Variants in SHQ1 observed in about 807,000 individuals in gnomAD.
SHQ1 encodes SHQ1, H/ACA ribonucleoprotein assembly factor.
SHQ1 carries 49 observed loss-of-function variants against 53.8 expected under a neutral mutation model. The observed-to-expected ratio is 0.91, with a 90% confidence interval of 0.72 to 1.16. The LOEUF is 1.16. Ranked by LOEUF, SHQ1 falls within the 50% of genes most tolerant of loss-of-function variation. The pLI, the probability that SHQ1 is intolerant of heterozygous loss-of-function variation, is 0.00. For synonymous variants in SHQ1, 243 were observed against 251.0 expected (o/e 0.97, Z 0.30); for missense variants, 738 against 683.1 (o/e 1.08, Z -0.90).
intron 10 of SHQ1, among the ~76,000 whole-genome samples, chr3:72,762,083 G>A (rs1705622456): frequency 6.6e-6 from 1 of 152,030 alleles, no homozygotes; most frequent in Non-Finnish European, 1.5e-5. Flanking sequence ...CCACAAACAT[G>A]TACATACATA....
At chr3:72,846,238 T>C (rs762927226) in intron 1 of SHQ1, 43 of 1,535,608 alleles carry the variant, frequency 2.8e-5, no homozygotes, top group Non-Finnish European at 3.4e-5. Flanking sequence ...AGCTACAGTC[T>C]CCATTCTTCA....
At chr3:72,833,405 C>T (rs541357484) in intron 4 of SHQ1, among the ~76,000 whole-genome samples, 1 of 152,116 alleles carries the variant, frequency 6.6e-6, no homozygotes, top group Admixed American at 6.6e-5. Flanking sequence ...CATGCCACTG[C>T]ACTCTGGCCT....
intron 6 of SHQ1, 83 bp from the exon 7 acceptor site, chr3:72,817,467 T>C: frequency 2.3e-6 from 3 of 1,296,860 alleles, no homozygotes; most frequent in African/African-American, 1.5e-5. Flanking sequence ...AATTAGAACT[T>C]TGATTATAGA....
chr3:72,838,434 T>C (rs543704431), intron 4 of SHQ1, among the ~76,000 whole-genome samples: 6 of 152,372 alleles, frequency 3.9e-5, no homozygotes, highest in African/African-American at 7.2e-5. Context: ...AAGAGTTTAA[T>C]GATTTTAGAT....
intron 9 of SHQ1, among the ~76,000 whole-genome samples, chr3:72,801,138 C>T (rs927150106): frequency 8.9e-6 from 1 of 112,730 alleles, no homozygotes; most frequent in South Asian, 2.2e-4. Flanking sequence ...CAAGGTAGAA[C>T]ATTAAAAAAA....
intron 10 of SHQ1, among the ~76,000 whole-genome samples, chr3:72,787,417 T>C (rs1351538085): frequency 6.6e-6 from 1 of 152,194 alleles, no homozygotes; most frequent in Non-Finnish European, 1.5e-5. Flanking sequence ...TTAAAAACAA[T>C]AAAATTTTTC....
chr3:72,747,882 G>A (rs1022156795), downstream of SHQ1, among the ~76,000 whole-genome samples: 28 of 152,002 alleles, frequency 1.8e-4, no homozygotes, highest in African/African-American at 6.0e-4. Context: ...CCAGGTGTTC[G>A]GGAGGCTGAG....
chr3:72,847,580 C>G (rs1051570970), intron 1 of SHQ1, among the ~76,000 whole-genome samples: 17 of 151,096 alleles, frequency 1.1e-4, no homozygotes, highest in African/African-American at 4.0e-4. Flanking sequence ...TTAAACAGAT[C>G]AAGTGCTGAC....
intron 10 of SHQ1, among the ~76,000 whole-genome samples, chr3:72,788,119 C>T (rs1706300110): frequency 6.6e-6 from 1 of 152,214 alleles, no homozygotes; most frequent in African/African-American, 2.4e-5. Flanking sequence ...AGTTTGCAGC[C>T]TCTGCCCGGC....
intron 1 of SHQ1, among the ~76,000 whole-genome samples, chr3:72,847,937 C>CAGGG (rs1158007607): frequency 6.6e-6 from 1 of 152,136 alleles, no homozygotes; most frequent in Non-Finnish European, 1.5e-5. Context: ...GGGAAAGTGA[C>CAGGG]ACGGTCCAAA....
intron 10 of SHQ1, among the ~76,000 whole-genome samples, chr3:72,757,579 G>A (rs1172095770): frequency 1.3e-5 from 2 of 151,988 alleles, no homozygotes; most frequent in Non-Finnish European, 2.9e-5. Flanking sequence ...GGCATTTACT[G>A]CACATCAATG....
downstream of SHQ1, among the ~76,000 whole-genome samples, chr3:72,746,335 TAGG>T (rs1264196885): frequency 1.3e-5 from 2 of 152,200 alleles, no homozygotes; most frequent in Non-Finnish European, 2.9e-5. Flanking sequence ...TCCCATCATC[TAGG>T]AGTTTTGGGA....
the SHQ1 span, among the ~76,000 whole-genome samples, chr3:72,740,733 A>C: frequency 1.3e-5 from 2 of 152,094 alleles, no homozygotes; most frequent in African/African-American, 2.4e-5. Context: ...CAGTGTGTGA[A>C]TGTTCATTTC....
Position 72,750,863 on chromosome 3 carries a change from T to C in SHQ1, c.1182-27A>G, listed in dbSNP as rs180806752. The C allele has an allele frequency of 1.5e-4, 228 of 1,474,794 alleles. 4 individuals carry two copies. In the East Asian group the frequency reaches 3.5e-3, roughly 22 times the overall value. The allele number at this position is 1,474,794 out of a possible 1,614,324, so 91.4% of individuals were successfully genotyped here. On this transcript the variant is annotated intron_variant, in intron 10 of 10. Transcript: ENST00000325599. ...TTGAAAACATTTTAAAAAGAAAGAT[T>C]AGAATTATTTATTAATTGGCCTGGG...
In SHQ1 at chr3:72,804,012, G is replaced by A. The variant is rs554370891; in HGVS notation, c.1060+8659C>T. Among the ~76,000 whole-genome samples, 199 of 152,182 alleles carry A rather than the reference G, an allele frequency of 1.3e-3. 1 individual carries two copies. The highest frequency in any genetic ancestry group is 4.6e-3 in the African/African-American group (189 of 41,510). On this transcript the variant is annotated intron_variant, in intron 9 of 10. Transcript: ENST00000325599. ...GCTCACTGTAACCTCGAACTCCTGG[G>A]CTCAAGCAATCCTCCTGCCTCGGGA... is the stretch of plus-strand genomic sequence containing the variant.
chr3:72,840,196 G>A (rs1375363170), intron 4 of SHQ1, among the ~76,000 whole-genome samples: 3 of 141,622 alleles, frequency 2.1e-5, no homozygotes, highest in Non-Finnish European at 1.5e-5. Context: ...AGGTTGCAGT[G>A]AGCCAAGATC....
chr3:72,786,338 T>C (rs962095743), intron 10 of SHQ1, among the ~76,000 whole-genome samples: 1 of 152,206 alleles, frequency 6.6e-6, no homozygotes, highest in Non-Finnish European at 1.5e-5. Flanking sequence ...AGGCAGTTCA[T>C]CGCTTAAAAC....
intron 10 of SHQ1, among the ~76,000 whole-genome samples, chr3:72,772,161 G>A (rs1236212641): frequency 2.6e-5 from 4 of 151,530 alleles, no homozygotes; most frequent in East Asian, 1.9e-4. Flanking sequence ...AGTTGGGTTC[G>A]TCAGAAAAAG....
intron 5 of SHQ1, among the ~76,000 whole-genome samples, chr3:72,827,505 G>T (rs967994367): frequency 4.6e-5 from 7 of 151,788 alleles, no homozygotes; most frequent in Admixed American, 4.6e-4. Flanking sequence ...AAACTGGCTT[G>T]GTAACATGGT....
Sources: gnomAD v4.1 joint callset for allele counts (sites outside exome capture counted in the v4.1 genomes callset) on GRCh38, gnomAD v4.1.1 for gene constraint, MANE v1.5 for transcripts, NCBI Gene and HGNC (gene_info 2026-07-23, HGNC 2026-07-21) for gene names.